C16orf90: variants seen among roughly 807,000 people sequenced by gnomAD.
The protein encoded by C16orf90 is chromosome 16 open reading frame 90.
C16orf90 carries 17 observed loss-of-function variants against 17.1 expected under a neutral mutation model. That is an observed-to-expected ratio of 1.00 (90% CI 0.68 to 1.49). C16orf90 has a LOEUF of 1.49. Ranked by LOEUF, C16orf90 falls within the 40% of genes most tolerant of loss-of-function variation. The pLI, the probability that C16orf90 is intolerant of heterozygous loss-of-function variation, is 0.00. For missense variants in C16orf90, 255 were observed against 235.5 expected (o/e 1.08, Z -0.54); for synonymous variants, 108 against 95.8 (o/e 1.13, Z -0.75).
At position 3,493,811 on chromosome 16, in the gene C16orf90, C is replaced by T. The variant is rs1567413166; in HGVS notation, c.*28G>A. On this transcript the variant is annotated 3_prime_UTR_variant, in exon 3 of 3. Coordinates refer to ENST00000437192, the MANE Select transcript of C16orf90 (RefSeq NM_001080524.2). ...TGCCTCCTCGGCCATCCTGCCCCTCCTGTACCCAGTCCTGGCACTCGGGAT... is the reference window on the plus strand; with the variant it reads ...TGCCTCCTCGGCCATCCTGCCCCTCTTGTACCCAGTCCTGGCACTCGGGAT... The T allele has an allele frequency of 1.5e-5, 23 of 1,576,936 alleles. No individual in the cohort carries two copies. Among genetic ancestry groups the T allele is most frequent in the Non-Finnish European group, 2.0e-5 (23 of 1,161,982 alleles).
Position 3,495,371 on chromosome 16 carries a change from G to T in C16orf90, c.46+5C>A, listed in dbSNP as rs371096440. Reference sequence around the variant, plus strand: ...TTCCTGCCACTCCTCCCCACAGCCCGGCACCTTCTCTTATGTGCAGCTCAG... The same window carrying T: ...TTCCTGCCACTCCTCCCCACAGCCCTGCACCTTCTCTTATGTGCAGCTCAG... On this transcript the variant is annotated splice_donor_5th_base_variant and intron_variant, in intron 1 of 2. Coordinates refer to ENST00000437192, the MANE Select transcript of C16orf90 (RefSeq NM_001080524.2). 2 of 1,605,876 alleles carry T rather than the reference G, an allele frequency of 1.2e-6. No individual in the cohort carries two copies. Among genetic ancestry groups the T allele is most frequent in the African/African-American group, 1.3e-5 (1 of 74,826 alleles).
chr16:3,495,946 C>T (rs1458049005), upstream of C16orf90, among the ~76,000 whole-genome samples: 1 of 152,106 alleles, frequency 6.6e-6, no homozygotes, highest in African/African-American at 2.4e-5. Flanking sequence ...CGAGACCATC[C>T]TGGCTAACAC....
chr16:3,494,149 G>A (rs1454490348), intron 2 of C16orf90, among the ~76,000 whole-genome samples, 162 bp from the exon 3 acceptor site: 1 of 152,128 alleles, frequency 6.6e-6, no homozygotes, highest in African/African-American at 2.4e-5. Flanking sequence ...GAGGGAGGAG[G>A]TTGAGGGAAC....
chr16:3,494,730 A>T lies in C16orf90; in HGVS notation c.194T>A (p.Leu65Gln). Residue 65 changes from leucine to glutamine, a missense_variant, in exon 2 of 3, where the codon CTG becomes CAG. Leu to Gln is a moderately radical substitution (Grantham distance 113). Coordinates refer to ENST00000437192, the MANE Select transcript of C16orf90 (RefSeq NM_001080524.2). ...KNFRLRHLRG[L>Q]GLYLESHPPP... Reference sequence around the variant, plus strand: ...CGGGTGGCTCTCCAGGTAGAGGCCCAGGCCCCGGAGGTGGCGCAGCCGGAA... The same window carrying T: ...CGGGTGGCTCTCCAGGTAGAGGCCCTGGCCCCGGAGGTGGCGCAGCCGGAA... 1 of 1,604,990 alleles carries T rather than the reference A, an allele frequency of 6.2e-7. No individual in the cohort carries two copies. Among genetic ancestry groups the T allele is most frequent in the Non-Finnish European group, 8.5e-7 (1 of 1,176,460 alleles).
At chr16:3,494,436 G>C (rs2037274814) in intron 2 of C16orf90, 88 bp downstream of exon 2, 1 of 1,065,776 alleles carries the variant, frequency 9.4e-7, no homozygotes, top group South Asian at 1.4e-5. Flanking sequence ...GTGGAGGCTT[G>C]GGAGTGGAGA....
intron 2 of C16orf90, among the ~76,000 whole-genome samples, chr16:3,494,301 A>G (rs1469731711): frequency 2.6e-5 from 4 of 151,128 alleles, no homozygotes; most frequent in Non-Finnish European, 4.4e-5. Context: ...CCTCCCTCCC[A>G]GATCCTCCCT....
intron 1 of C16orf90, 32 bp from the exon 2 acceptor site, chr16:3,494,909 A>G (rs1441632170): frequency 1.2e-5 from 17 of 1,432,744 alleles, no homozygotes; most frequent in Non-Finnish European, 1.6e-5. Flanking sequence ...GGTGGTGGCC[A>G]GCCCCCCACA....
upstream of C16orf90, chr16:3,495,496 T>C: frequency 6.4e-7 from 1 of 1,568,216 alleles, no homozygotes. Flanking sequence ...GCCTAGGGGG[T>C]ACATTGGCAG....
upstream of C16orf90, chr16:3,496,074 A>G (rs7206574): frequency 0.033 from 10,838 of 329,264 alleles, 558 homozygotes; most frequent in African/African-American, 0.14. Context: ...CCGGGAGGCG[A>G]AGCTTGCAGT....
At position 3,494,023 on chromosome 16, in the gene C16orf90, A is replaced by C. The variant is rs757209638; in HGVS notation, c.401-36T>G. 9 of 1,573,780 alleles carry C rather than the reference A, an allele frequency of 5.7e-6. No individual in the cohort carries two copies. In the Admixed American group the frequency reaches 1.4e-4, roughly 25 times the overall value. On this transcript the variant is annotated intron_variant, in intron 2 of 2. Transcript: ENST00000437192. ...AGGAGAGAAAGGAGTCACTTGAGGG[A>C]CCCAAGGGGAGGCTGGGGGGGAGGC...
At chr16:3,494,471 A>C (rs953352843) in intron 2 of C16orf90, 53 bp downstream of exon 2, 3 of 1,503,382 alleles carry the variant, frequency 2.0e-6, no homozygotes, top group Non-Finnish European at 2.7e-6. Context: ...GCCCCAGCCC[A>C]ACCATCCCCT....
rs201278369 is a variant in C16orf90, at chr16:3,495,385, T to C, written c.37A>G (p.Ile13Val). Residue 13 changes from isoleucine (I) to valine (V), a missense_variant, in exon 1 of 3, where the codon ATA becomes GTA. Physicochemically the swap from Ile to Val is conservative, Grantham distance 29. Transcript: ENST00000437192. ...ALVCAFSELH[I>V]REDAVSQAQG... is the part of the protein sequence containing the mutation. Reference sequence around the variant, plus strand: ...CCCCACAGCCCGGCACCTTCTCTTATGTGCAGCTCAGAAAATGCACAGACC... The same window carrying C: ...CCCCACAGCCCGGCACCTTCTCTTACGTGCAGCTCAGAAAATGCACAGACC... 340 of 1,608,986 alleles carry C rather than the reference T, an allele frequency of 2.1e-4. No homozygotes were observed. The highest frequency in any genetic ancestry group is 1.9e-3 in the Admixed American group (112 of 59,460).
chr16:3,495,367 G>GC lies in C16orf90; in HGVS notation c.46+8dup. 4.4e-6 allele frequency: 7 copies of GC among 1,604,638 alleles called. No individual in the cohort carries two copies. The highest frequency in any genetic ancestry group is 6.0e-6 in the Non-Finnish European group (7 of 1,175,370). ...TCTCTTCCTGCCACTCCTCCCCACA[G>GC]CCCGGCACCTTCTCTTATGTGCAGC... is the stretch of plus-strand genomic sequence containing the variant. On this transcript the variant is annotated intron_variant, in intron 1 of 2. Transcript: ENST00000437192.
Position 3,493,823 on chromosome 16 carries a change from C to G in C16orf90, c.*16G>C. 3 of 1,589,654 alleles carry G rather than the reference C, an allele frequency of 1.9e-6. No homozygotes were observed. The highest frequency in any genetic ancestry group is 1.7e-6 in the Non-Finnish European group (2 of 1,168,722). On this transcript the variant is annotated 3_prime_UTR_variant, in exon 3 of 3. Coordinates refer to ENST00000437192, the MANE Select transcript of C16orf90 (RefSeq NM_001080524.2). ...CATCCTGCCCCTCCTGTACCCAGTC[C>G]TGGCACTCGGGATCCCTATGGCCTC...
Position 3,493,806 on chromosome 16 carries a change from C to T in C16orf90, c.*33G>A. The T allele has an allele frequency of 1.3e-6, 2 of 1,562,998 alleles. No individual in the cohort carries two copies. Among genetic ancestry groups the T allele is most frequent in the Non-Finnish European group, 1.7e-6 (2 of 1,152,440 alleles). ...CAGGCTGCCTCCTCGGCCATCCTGC[C>T]CCTCCTGTACCCAGTCCTGGCACTC... On this transcript the variant is annotated 3_prime_UTR_variant, in exon 3 of 3. Coordinates refer to ENST00000437192, the MANE Select transcript of C16orf90 (RefSeq NM_001080524.2).
At chr16:3,495,200 G>A (rs1413656932) in intron 1 of C16orf90, among the ~76,000 whole-genome samples, 176 bp downstream of exon 1, 1 of 152,214 alleles carries the variant, frequency 6.6e-6, no homozygotes, top group Non-Finnish European at 1.5e-5. Flanking sequence ...GGTCCCCACA[G>A]AGAAATTGCA....
intron 1 of C16orf90, 33 bp from the exon 2 acceptor site, chr16:3,494,910 G>T: frequency 7.0e-7 from 1 of 1,423,322 alleles, no homozygotes; most frequent in Non-Finnish European, 9.3e-7. Context: ...GTGGTGGCCA[G>T]CCCCCCACAG....
chr16:3,494,454 G>C, intron 2 of C16orf90, 70 bp downstream of exon 2: 4 of 1,337,004 alleles, frequency 3.0e-6, no homozygotes, highest in South Asian at 1.3e-5. Context: ...AGAAGGGCCC[G>C]CCTGAGGCCC....
rs1321430082 is a variant in C16orf90 at position 3,495,300 on chromosome 16, C to T, written c.46+76G>A. On this transcript the variant is annotated intron_variant, in intron 1 of 2. Transcript: ENST00000437192. ...CTCCCAAGCATACATGTCCCTGAGGCCACCCCTCGGCTTTGGGCCCAGGTG... is the reference window on the plus strand; with the variant it reads ...CTCCCAAGCATACATGTCCCTGAGGTCACCCCTCGGCTTTGGGCCCAGGTG... 8 of 1,515,186 alleles carry T rather than the reference C, an allele frequency of 5.3e-6. No individual in the cohort carries two copies. The East Asian group carries it at 1.9e-4, about 37-fold the overall frequency. 93.9% of individuals were successfully genotyped at this position (1,515,186 alleles called of 1,614,324 possible). A position where few individuals can be genotyped will look rare whatever the true frequency, so the allele number is the denominator to read the frequency against.
Sources: allele counts gnomAD v4.1 joint callset (sites outside exome capture counted in the v4.1 genomes callset), GRCh38; gene constraint gnomAD v4.1.1; transcripts MANE v1.5; gene names NCBI Gene and HGNC (gene_info 2026-07-23, HGNC 2026-07-21).